LRRTM3: variants seen among roughly 807,000 people sequenced by gnomAD.
The protein encoded by LRRTM3 is leucine-rich repeat transmembrane neuronal protein 3.
LRRTM3 carries 24 observed loss-of-function variants against 44.7 expected under a neutral mutation model. The ratio of observed to expected loss-of-function variants is 0.54; its 90% CI spans 0.39 to 0.76. The LOEUF is 0.76. Ranked by LOEUF, LRRTM3 falls within the 30% of genes least tolerant of loss-of-function variation. The pLI, the probability that LRRTM3 is intolerant of heterozygous loss-of-function variation, is 0.00. For synonymous variants in LRRTM3, 277 were observed against 278.7 expected, an observed-to-expected ratio of 0.99 and a Z score of 0.06; for missense variants, 587 against 702.2, an observed-to-expected ratio of 0.84 and a Z score of 1.85.
intron 2 of LRRTM3, among the ~76,000 whole-genome samples, chr10:67,084,773 G>A (rs575395481): frequency 5.3e-5 from 8 of 151,864 alleles, no homozygotes; most frequent in South Asian, 4.2e-4. Flanking sequence ...AGGCTGTATC[G>A]CATAAAAAAT....
intron 2 of LRRTM3, among the ~76,000 whole-genome samples, chr10:66,978,541 A>ATAAAATAAAAAAAAATAAAAT: frequency 9.0e-6 from 1 of 111,196 alleles, no homozygotes; most frequent in African/African-American, 3.3e-5. Context: ...AAAAAAAAAA[A>ATAAAATAAAAAAAAATAAAAT]AAAAAAAAAA....
chr10:67,033,284 A>G (rs954878432), intron 2 of LRRTM3, among the ~76,000 whole-genome samples: 4 of 152,316 alleles, frequency 2.6e-5, no homozygotes, highest in African/African-American at 9.6e-5. Context: ...AGCATTCAAA[A>G]GCATTATATC....
intron 2 of LRRTM3, among the ~76,000 whole-genome samples, chr10:66,990,704 T>G (rs1287171200): frequency 6.6e-6 from 1 of 152,212 alleles, no homozygotes; most frequent in Non-Finnish European, 1.5e-5. Flanking sequence ...ATAGCAAAGT[T>G]AACATTGAAC....
At chr10:66,942,578 G>C (rs552990869) in intron 2 of LRRTM3, among the ~76,000 whole-genome samples, 151 of 145,500 alleles carry the variant, frequency 1.0e-3, no homozygotes, top group South Asian at 3.0e-3. Context: ...CTCTCTCTCT[G>C]TGTGTGTGTA....
intron 2 of LRRTM3, among the ~76,000 whole-genome samples, chr10:66,975,876 C>G (rs1206269160): frequency 6.6e-6 from 1 of 152,166 alleles, no homozygotes; most frequent in Non-Finnish European, 1.5e-5. Flanking sequence ...TCTTGGTCTT[C>G]TTCAATCAGT....
intron 2 of LRRTM3, among the ~76,000 whole-genome samples, chr10:66,936,342 G>A (rs184696730): frequency 6.6e-6 from 1 of 152,120 alleles, no homozygotes; most frequent in African/African-American, 2.4e-5. Context: ...CCAAATGATG[G>A]AGATCCTGTA....
chr10:66,976,964 G>A (rs941225630), intron 2 of LRRTM3, among the ~76,000 whole-genome samples: 7 of 152,104 alleles, frequency 4.6e-5, no homozygotes, highest in Non-Finnish European at 8.8e-5. Context: ...TAGTATGGGC[G>A]AGTTTATTGG....
intron 2 of LRRTM3, among the ~76,000 whole-genome samples, chr10:67,009,425 T>C (rs1852189888): frequency 6.6e-6 from 1 of 152,168 alleles, no homozygotes; most frequent in African/African-American, 2.4e-5. Context: ...ATGAAAGCTT[T>C]CGTGTTTCTC....
chr10:67,090,897 G>A (rs1304520321), intron 2 of LRRTM3, among the ~76,000 whole-genome samples: 1 of 151,944 alleles, frequency 6.6e-6, no homozygotes, highest in Non-Finnish European at 1.5e-5. Flanking sequence ...TGTGATAATT[G>A]CTTACACTAT....
chr10:66,980,281 A>T (rs1850339666), intron 2 of LRRTM3, among the ~76,000 whole-genome samples: 2 of 152,186 alleles, frequency 1.3e-5, no homozygotes. Flanking sequence ...CTCCTAAGCC[A>T]AGTATACCAC....
At chr10:66,945,178 C>A (rs1430818551) in intron 2 of LRRTM3, among the ~76,000 whole-genome samples, 2 of 152,186 alleles carry the variant, frequency 1.3e-5, no homozygotes, top group Non-Finnish European at 2.9e-5. Flanking sequence ...TAGATGGCAT[C>A]TTTTTCCACT....
rs927658941 is a variant in LRRTM3 at position 67,053,776 on chromosome 10, A to C, written c.1537-43811A>C. ...AACGAATTCTGCTAAAGGAATTGCA[A>C]GATGGAATTGACTCATTTTCCCATT... On this transcript the variant is annotated intron_variant, in intron 2 of 2. Coordinates refer to ENST00000361320, the MANE Select transcript of LRRTM3 (RefSeq NM_178011.5). 1.6e-4 allele frequency among the ~76,000 whole-genome samples: 24 copies of C among 152,322 alleles called. 1 individual carries two copies. Among genetic ancestry groups the C allele is most frequent in the Non-Finnish European group, 3.5e-4 (24 of 68,016 alleles).
chr10:67,006,288 G>A (rs1245348850), intron 2 of LRRTM3, among the ~76,000 whole-genome samples: 4 of 152,070 alleles, frequency 2.6e-5, no homozygotes, highest in African/African-American at 9.7e-5. Context: ...TAACTATTAA[G>A]TGGTGTGATA....
At chr10:67,005,979 C>T (rs190847591) in intron 2 of LRRTM3, among the ~76,000 whole-genome samples, 1 of 152,046 alleles carries the variant, frequency 6.6e-6, no homozygotes, top group African/African-American at 2.4e-5. Flanking sequence ...AGCCATCGCA[C>T]CCAACCTACT....
At chr10:66,937,064 T>C (rs1486204567) in intron 2 of LRRTM3, among the ~76,000 whole-genome samples, 1 of 152,142 alleles carries the variant, frequency 6.6e-6, no homozygotes, top group East Asian at 1.9e-4. Flanking sequence ...TAATCCATGT[T>C]TCATTCAATA....
At chr10:66,951,898 C>T (rs910433474) in intron 2 of LRRTM3, among the ~76,000 whole-genome samples, 1 of 152,112 alleles carries the variant, frequency 6.6e-6, no homozygotes, top group Non-Finnish European at 1.5e-5. Flanking sequence ...AAGTCCAGCC[C>T]TAAAATAACA....
intron 2 of LRRTM3, among the ~76,000 whole-genome samples, chr10:66,997,498 C>T (rs1232104785): frequency 6.6e-6 from 1 of 152,124 alleles, no homozygotes; most frequent in African/African-American, 2.4e-5. Flanking sequence ...AAACCAAATT[C>T]TTGTCTGTTC....
At chr10:66,967,199 G>A (rs1481975013) in intron 2 of LRRTM3, among the ~76,000 whole-genome samples, 2 of 151,802 alleles carry the variant, frequency 1.3e-5, no homozygotes, top group East Asian at 1.9e-4. Context: ...GCACATACAC[G>A]CATACATTAG....
rs561550961 is a variant in LRRTM3, at chr10:67,101,286, T to C, written c.*3490T>C. On this transcript the variant is annotated 3_prime_UTR_variant, in exon 3 of 3. Coordinates refer to ENST00000361320, the MANE Select transcript of LRRTM3 (RefSeq NM_178011.5). ...GCATAATTATAAAAGAGATCCATAG[T>C]ACAGGGTTGAACACATGTTCAACAC... is the stretch of plus-strand genomic sequence containing the variant. Among the ~76,000 whole-genome samples, 74 of 151,816 alleles carry C rather than the reference T, an allele frequency of 4.9e-4. No individual in the cohort carries two copies. Among genetic ancestry groups the C allele is most frequent in the Non-Finnish European group, 6.9e-4 (47 of 67,776 alleles).
Sources: allele counts gnomAD v4.1 joint callset (sites outside exome capture counted in the v4.1 genomes callset), GRCh38; gene constraint gnomAD v4.1.1; transcripts MANE v1.5; gene names NCBI Gene and HGNC (gene_info 2026-07-23, HGNC 2026-07-21).